Variants in TBC1D5 observed in about 807,000 individuals in gnomAD.
TBC1D5 encodes the protein TBC1 domain family, member 5.
In TBC1D5, 75 loss-of-function variants were observed where a neutral mutation model predicts 100.3. The ratio of observed to expected loss-of-function variants is 0.75; its 90% CI spans 0.62 to 0.91. TBC1D5 has a LOEUF of 0.91. Ranked by LOEUF, TBC1D5 falls within the 40% of genes least tolerant of loss-of-function variation. TBC1D5 has a pLI of 0.00. For missense variants in TBC1D5, 910 were observed against 942.4 expected, an observed-to-expected ratio of 0.97 and a Z score of 0.45; for synonymous variants, 323 against 325.6, an observed-to-expected ratio of 0.99 and a Z score of 0.09.
At chr3:17,534,232 A>AAAT in intron 2 of TBC1D5, among the ~76,000 whole-genome samples, 1 of 152,294 alleles carries the variant, frequency 6.6e-6, no homozygotes, top group African/African-American at 2.4e-5. Context: ...TTTCTAACAT[A>AAAT]CTATGGGGAG....
intron 13 of TBC1D5, among the ~76,000 whole-genome samples, chr3:17,341,485 C>T (rs995499952): frequency 1.2e-4 from 18 of 152,122 alleles, no homozygotes; most frequent in Non-Finnish European, 2.4e-4. Context: ...CGTGAGGTAC[C>T]GCGCCTGGCC....
intron 18 of TBC1D5, among the ~76,000 whole-genome samples, chr3:17,186,611 G>A (rs2069101966): frequency 1.3e-5 from 2 of 148,328 alleles, no homozygotes; most frequent in African/African-American, 2.5e-5. Flanking sequence ...TCAGGAGGCT[G>A]AGGCAGGAGA....
At chr3:17,253,011 G>A (rs537085853) in intron 16 of TBC1D5, among the ~76,000 whole-genome samples, 37 of 152,258 alleles carry the variant, frequency 2.4e-4, no homozygotes, top group African/African-American at 7.5e-4. Flanking sequence ...CTAGCACAGC[G>A]TCTGGCACTG....
intron 2 of TBC1D5, among the ~76,000 whole-genome samples, chr3:17,512,090 C>T (rs2095915848): frequency 6.6e-6 from 1 of 151,904 alleles, no homozygotes; most frequent in Non-Finnish European, 1.5e-5. Flanking sequence ...TCGGTTACTG[C>T]TATTGGGATT....
At chr3:17,374,137 A>C (rs2092599894) in intron 12 of TBC1D5, among the ~76,000 whole-genome samples, 1 of 152,140 alleles carries the variant, frequency 6.6e-6, no homozygotes, top group Non-Finnish European at 1.5e-5. Context: ...TTTGACACAG[A>C]TTCTACCTAT....
At chr3:17,635,422 T>C (rs907801194) in intron 1 of TBC1D5, among the ~76,000 whole-genome samples, 3 of 152,238 alleles carry the variant, frequency 2.0e-5, no homozygotes, top group African/African-American at 7.2e-5. Context: ...GTCTCACGCC[T>C]GTAATCCCAC....
chr3:17,316,246 G>T (rs1005243338), intron 13 of TBC1D5, among the ~76,000 whole-genome samples: 1 of 152,138 alleles, frequency 6.6e-6, no homozygotes, highest in African/African-American at 2.4e-5. Context: ...TTCCCTGATC[G>T]TTCTGAAGTC....
intron 1 of TBC1D5, among the ~76,000 whole-genome samples, chr3:17,720,851 GT>G (rs1164658125): frequency 2.0e-5 from 3 of 148,394 alleles, no homozygotes; most frequent in Admixed American, 2.0e-4. Context: ...TTGTTTGTTT[GT>G]TTTTTGAGAT....
Position 17,452,375 on chromosome 3 carries a change from T to C in TBC1D5, c.98-23856A>G, listed in dbSNP as rs560073855. Among the ~76,000 whole-genome samples, 4 of 152,256 alleles carry C rather than the reference T, an allele frequency of 2.6e-5. No homozygotes were observed. In the East Asian group the frequency reaches 7.7e-4, roughly 29 times the overall value. On this transcript the variant is annotated intron_variant, in intron 3 of 21. Transcript: ENST00000253692. The stretch of plus-strand genomic sequence containing the variant: ...AGGGCATAAAGACAGAAGGTCTGAA[T>C]GGATGAAAAACCAAGACATGATGAA...
intron 1 of TBC1D5, among the ~76,000 whole-genome samples, chr3:17,705,338 T>G (rs760819778): frequency 0.4 from 15,824 of 39,760 alleles, 4,320 homozygotes; most frequent in East Asian, 0.98. Context: ...CTGGCCGGGC[T>G]GGGGGCTGAC....
chr3:17,329,509 T>C (rs1331761057), intron 13 of TBC1D5, among the ~76,000 whole-genome samples: 1 of 148,500 alleles, frequency 6.7e-6, no homozygotes, highest in East Asian at 1.9e-4. Flanking sequence ...AAAAATAAAA[T>C]AATACCCTTG....
At chr3:17,613,825 A>G (rs1233041541) in intron 2 of TBC1D5, among the ~76,000 whole-genome samples, 1 of 152,100 alleles carries the variant, frequency 6.6e-6, no homozygotes, top group Non-Finnish European at 1.5e-5. Flanking sequence ...ATTTTCTCCC[A>G]TTCTGTAGGT....
intron 3 of TBC1D5, among the ~76,000 whole-genome samples, chr3:17,485,913 C>A (rs2095560316): frequency 6.6e-6 from 1 of 152,098 alleles, no homozygotes; most frequent in African/African-American, 2.4e-5. Context: ...TGAGGAATCG[C>A]CACACTGACT....
chr3:17,383,412 T>C (rs896413896), intron 9 of TBC1D5, among the ~76,000 whole-genome samples: 3 of 151,900 alleles, frequency 2.0e-5, no homozygotes, highest in African/African-American at 7.2e-5. Flanking sequence ...AATAATCTTC[T>C]TTGCTTTAGT....
Position 17,589,586 on chromosome 3 carries a change from C to T in TBC1D5, c.-36+34263G>A, listed in dbSNP as rs553908439. On this transcript the variant is annotated intron_variant, in intron 2 of 21. Transcript: ENST00000253692. ...TCACCTTCCACCATGATTGTGAGGCCTCCCCAGCCACATGGAACTGCAAGT... is the reference window on the plus strand; with the variant it reads ...TCACCTTCCACCATGATTGTGAGGCTTCCCCAGCCACATGGAACTGCAAGT... Among the ~76,000 whole-genome samples the T allele has an allele frequency of 1.9e-4, 29 of 152,330 alleles. No individual in the cohort carries two copies. The South Asian group carries it at 6.0e-3, about 32-fold the overall frequency.
At chr3:17,232,916 T>A (rs1559458702) in intron 17 of TBC1D5, among the ~76,000 whole-genome samples, 2 of 152,158 alleles carry the variant, frequency 1.3e-5, no homozygotes. Context: ...TAGTCTGAAT[T>A]TGAATAGAAG....
intron 17 of TBC1D5, among the ~76,000 whole-genome samples, chr3:17,218,881 G>GTAGATCTGAGTT (rs1371375866): frequency 1.3e-5 from 2 of 151,814 alleles, no homozygotes; most frequent in Non-Finnish European, 1.5e-5. Context: ...ATATCTAGGT[G>GTAGATCTGAGTT]TAGATCTGAG....
intron 15 of TBC1D5, among the ~76,000 whole-genome samples, chr3:17,280,991 C>T (rs1166667273): frequency 1.3e-5 from 2 of 152,220 alleles, no homozygotes; most frequent in African/African-American, 4.8e-5. Flanking sequence ...CCGGCTCCTG[C>T]AAGTGCTCCC....
chr3:17,733,928 T>C (rs2076761595), intron 1 of TBC1D5, among the ~76,000 whole-genome samples: 1 of 152,002 alleles, frequency 6.6e-6, no homozygotes, highest in Non-Finnish European at 1.5e-5. Context: ...TTACCAGCAA[T>C]AGTCAGGTTA....
Sources: allele counts gnomAD v4.1 joint callset (sites outside exome capture counted in the v4.1 genomes callset), GRCh38; gene constraint gnomAD v4.1.1; transcripts MANE v1.5; gene names NCBI Gene and HGNC (gene_info 2026-07-23, HGNC 2026-07-21).